BMS1: variants seen among roughly 807,000 people sequenced by gnomAD.
BMS1 encodes the protein ribosome biogenesis protein BMS1 homolog.
Under a neutral mutation model 138.7 loss-of-function variants are expected in BMS1, and 53 were observed. That is an observed-to-expected ratio of 0.38 (90% CI 0.31 to 0.48). The LOEUF (loss-of-function observed/expected upper bound fraction) is 0.48, where lower values mean the gene tolerates loss of function less well. Among genes scored for constraint, BMS1 ranks in the 20% least tolerant of loss-of-function variants. The pLI is 0.97. For missense variants in BMS1, 1,360 were observed against 1,565.5 expected, an observed-to-expected ratio of 0.87 and a Z score of 2.22; for synonymous variants, 504 against 539.9, an observed-to-expected ratio of 0.93 and a Z score of 0.92.
At chr10:42,829,964 C>A (rs773962527) in intron 21 of BMS1, among the ~76,000 whole-genome samples, 2 of 152,192 alleles carry the variant, frequency 1.3e-5, no homozygotes, top group Non-Finnish European at 2.9e-5. Flanking sequence ...AAACTGGGAT[C>A]TATTCATCTG....
intron 13 of BMS1, among the ~76,000 whole-genome samples, chr10:42,804,685 G>A (rs1841964543): frequency 6.6e-6 from 1 of 151,840 alleles, no homozygotes; most frequent in South Asian, 2.1e-4. Context: ...GTTTTTCACA[G>A]AGCAAAGTAT....
intron 13 of BMS1, among the ~76,000 whole-genome samples, chr10:42,805,196 T>G (rs1357202008): frequency 6.6e-6 from 1 of 152,204 alleles, no homozygotes; most frequent in Non-Finnish European, 1.5e-5. Context: ...TTTAGGTTCC[T>G]TTTGACATAT....
At chr10:42,809,287 T>C (rs948172229) in intron 13 of BMS1, among the ~76,000 whole-genome samples, 7 of 152,220 alleles carry the variant, frequency 4.6e-5, no homozygotes, top group Non-Finnish European at 8.8e-5. Context: ...AACTCACTTA[T>C]TAGTTGTAGG....
intron 13 of BMS1, among the ~76,000 whole-genome samples, chr10:42,812,702 A>G (rs1442809914): frequency 6.6e-6 from 1 of 152,230 alleles, no homozygotes; most frequent in Non-Finnish European, 1.5e-5. Context: ...GATGGGCACC[A>G]TACTCTGTAG....
At position 42,796,941 on chromosome 10, in the gene BMS1, C is replaced by G. The variant is rs758392380; in HGVS notation, c.1697C>G (p.Ser566Cys). The change falls in exon 10 of 23, where the codon TCT (serine) becomes TGT (cysteine). Residue 566 changes from serine (S) to cysteine (C), a missense_variant. This residue lies in a region of BMS1 where 697 missense variants were observed against 686.2 expected (regional missense o/e 1.02). Transcript: ENST00000374518. ...AGTGACCGTGTGAATCTGGAGAAGTCTTTGCTGATGAAGAAAGCAGCTCTC... is the reference window on the plus strand; with the variant it reads ...AGTGACCGTGTGAATCTGGAGAAGTGTTTGCTGATGAAGAAAGCAGCTCTC... ...CQSDRVNLEKSLLMKKAALPT... is the reference protein window; with the variant it reads ...CQSDRVNLEKCLLMKKAALPT... 1 of 1,614,206 alleles carries G rather than the reference C, an allele frequency of 6.2e-7. No individual in the cohort carries two copies. Among genetic ancestry groups the G allele is most frequent in the Non-Finnish European group, 8.5e-7 (1 of 1,180,040 alleles).
chr10:42,810,936 A>G (rs1162378660), intron 13 of BMS1, among the ~76,000 whole-genome samples: 1 of 152,168 alleles, frequency 6.6e-6, no homozygotes, highest in Non-Finnish European at 1.5e-5. Flanking sequence ...TCTTTGTCGT[A>G]AAATTTATTA....
chr10:42,783,671 A>T (rs1841234549), intron 1 of BMS1, among the ~76,000 whole-genome samples: 1 of 152,152 alleles, frequency 6.6e-6, no homozygotes, highest in African/African-American at 2.4e-5. Flanking sequence ...GTAACTCAGA[A>T]ATCACTGGAA....
intron 3 of BMS1, among the ~76,000 whole-genome samples, chr10:42,786,156 G>C (rs916052181): frequency 2.0e-5 from 3 of 152,216 alleles, no homozygotes; most frequent in Admixed American, 2.0e-4. Context: ...CCTAGTCACC[G>C]TGAACACATC....
intron 4 of BMS1, among the ~76,000 whole-genome samples, chr10:42,788,015 T>A (rs1841390750): frequency 6.7e-6 from 1 of 149,722 alleles, no homozygotes; most frequent in Non-Finnish European, 1.5e-5. Context: ...TTTTTTCATT[T>A]TTATTTAGTT....
At chr10:42,788,521 A>T (rs2132297506) in intron 4 of BMS1, among the ~76,000 whole-genome samples, 1 of 152,100 alleles carries the variant, frequency 6.6e-6, no homozygotes, top group East Asian at 1.9e-4. Flanking sequence ...TTTCATTCTT[A>T]TAGTTATTCT....
At chr10:42,789,630 A>T in intron 4 of BMS1, among the ~76,000 whole-genome samples, 1 of 151,924 alleles carries the variant, frequency 6.6e-6, no homozygotes, top group East Asian at 1.9e-4. Flanking sequence ...GTAGCTATTT[A>T]AAAAAAATTT....
intron 13 of BMS1, among the ~76,000 whole-genome samples, chr10:42,815,970 G>T (rs773221484): frequency 6.6e-6 from 1 of 152,106 alleles, no homozygotes; most frequent in East Asian, 1.9e-4. Flanking sequence ...TGAACTATTC[G>T]TTTGGGGGAC....
intron 8 of BMS1, 53 bp downstream of exon 8, chr10:42,793,197 C>T: frequency 1.3e-6 from 2 of 1,489,882 alleles, no homozygotes; most frequent in South Asian, 2.8e-5. Flanking sequence ...CTTTCTGAAT[C>T]TATTTTTTAA....
chr10:42,820,152 T>G (rs1842462023), intron 15 of BMS1, 84 bp from the exon 16 acceptor site: 1 of 1,512,354 alleles, frequency 6.6e-7, no homozygotes, highest in African/African-American at 1.4e-5. Flanking sequence ...TTCCTTTACT[T>G]AGAAATTGCT....
intron 13 of BMS1, among the ~76,000 whole-genome samples, chr10:42,805,584 A>G (rs908822571): frequency 6.6e-6 from 1 of 152,216 alleles, no homozygotes; most frequent in Non-Finnish European, 1.5e-5. Context: ...GAAAATTGCC[A>G]TCTTAACCAC....
At chr10:42,795,261 T>C (rs1032163420) in intron 9 of BMS1, among the ~76,000 whole-genome samples, 14 of 152,162 alleles carry the variant, frequency 9.2e-5, no homozygotes, top group Non-Finnish European at 1.9e-4. Flanking sequence ...TGATTTATAG[T>C]CCTTTGTCAT....
At chr10:42,798,392 C>A in intron 11 of BMS1, 76 bp from the exon 12 acceptor site, 1 of 1,571,294 alleles carries the variant, frequency 6.4e-7, no homozygotes, top group South Asian at 1.1e-5. Flanking sequence ...GACTCATGGC[C>A]TAACTGGTTG....
chr10:42,831,305 A>C lies in BMS1; in HGVS notation c.*209A>C. Reference sequence around the variant, plus strand: ...CTTGGGGCTGTCGAGATTTAAAGTGATGTAAGCTGTGGTTATGTGGATTCT... The same window carrying C: ...CTTGGGGCTGTCGAGATTTAAAGTGCTGTAAGCTGTGGTTATGTGGATTCT... On this transcript the variant is annotated 3_prime_UTR_variant, in exon 23 of 23. Transcript: ENST00000374518. 1.8e-6 allele frequency: 1 copy of C among 555,476 alleles called. No individual in the cohort carries two copies. Among genetic ancestry groups the C allele is most frequent in the Non-Finnish European group, 3.2e-6 (1 of 312,478 alleles). 34.4% of individuals were successfully genotyped at this position (555,476 alleles called of 1,614,324 possible).
At position 42,792,930 on chromosome 10, in the gene BMS1, A is replaced by C. The variant is rs760591342; in HGVS notation, c.902-27A>C. The C allele has an allele frequency of 8.8e-6, 14 of 1,595,556 alleles. No homozygotes were observed. The South Asian group carries it at 1.5e-4, about 17-fold the overall frequency. ...ATGCTTCTGACTTCTTGTCAGCTGA[A>C]GCTGGCTTTTGGGTTCTGTCTTCCA... On this transcript the variant is annotated intron_variant, in intron 7 of 22. Coordinates refer to ENST00000374518, the MANE Select transcript of BMS1 (RefSeq NM_014753.4).
Sources: allele counts gnomAD v4.1 joint callset (sites outside exome capture counted in the v4.1 genomes callset), GRCh38; gene constraint gnomAD v4.1.1; regional missense constraint gnomAD v4.1.1; transcripts MANE v1.5; gene names NCBI Gene and HGNC (gene_info 2026-07-23, HGNC 2026-07-21).